Variants in KCNQ1 observed in about 807,000 individuals in gnomAD.
KCNQ1 encodes the protein potassium voltage-gated channel subfamily KQT member 1.
A neutral mutation model predicts 72.4 loss-of-function variants in KCNQ1; 49 were observed. The observed-to-expected ratio is 0.68, with a 90% confidence interval of 0.54 to 0.86. The LOEUF (loss-of-function observed/expected upper bound fraction) is 0.86, where lower values mean the gene tolerates loss of function less well. Among genes scored for constraint, KCNQ1 ranks in the 40% least tolerant of loss-of-function variants. The probability of loss-of-function intolerance (pLI) is 0.00; values close to 1 mark genes in which losing one functional copy is unlikely to be tolerated. For missense variants in KCNQ1, 790 were observed against 945.1 expected (o/e 0.84, Z 2.15); for synonymous variants, 450 against 412.6 (o/e 1.09, Z -1.10).
At chr11:2,582,009 A>G (rs1848506198) in intron 6 of KCNQ1, among the ~76,000 whole-genome samples, 1 of 152,176 alleles carries the variant, frequency 6.6e-6, no homozygotes, top group Admixed American at 6.5e-5. Context: ...CGGTCAGGGC[A>G]CTAGTGGGGC....
Position 2,588,315 on chromosome 11 carries a change from C to T in KCNQ1, c.1252-398C>T, listed in dbSNP as rs188117793. Among the ~76,000 whole-genome samples the T allele has an allele frequency of 6.6e-6, 1 of 152,288 alleles. No homozygotes were observed. Among genetic ancestry groups the T allele is most frequent in the African/African-American group, 2.4e-5 (1 of 41,544 alleles). On this transcript the variant is annotated intron_variant, in intron 9 of 15. Coordinates refer to ENST00000155840, the MANE Select transcript of KCNQ1 (RefSeq NM_000218.3). The surrounding 1 kb of genome is among the most constrained non-coding windows in gnomAD (Gnocchi z 5.6). ...CTGTTCCCTGTGCTGGAATGTTCCC[C>T]CAGATTTCCACACAGCCTGCTCCCT...
At chr11:2,840,736 C>T (rs1453316114) in intron 15 of KCNQ1, among the ~76,000 whole-genome samples, 3 of 152,202 alleles carry the variant, frequency 2.0e-5, no homozygotes, top group Non-Finnish European at 1.5e-5. Flanking sequence ...GTGATGTGTA[C>T]TTGACATCTT....
At position 2,766,403 on chromosome 11, in the gene KCNQ1, C is replaced by T. The variant is rs1312184929; in HGVS notation, c.1515-2441C>T. On this transcript the variant is annotated intron_variant, in intron 11 of 15. Coordinates refer to ENST00000155840, the MANE Select transcript of KCNQ1 (RefSeq NM_000218.3). This position sits in a 1 kb window ranked among gnomAD's most constrained non-coding sequence, Gnocchi z 4.4. ...TGGGTTGTCAGCCAGGGTCTCTCAG[C>T]TCTCCTTCACGCGGCTGTTCCAGCA... Among the ~76,000 whole-genome samples the T allele has an allele frequency of 6.6e-6, 1 of 152,212 alleles. No homozygotes were observed. The highest frequency in any genetic ancestry group is 1.5e-5 in the Non-Finnish European group (1 of 68,044).
At chr11:2,554,741 T>G (rs1848042658) in intron 2 of KCNQ1, among the ~76,000 whole-genome samples, 1 of 152,234 alleles carries the variant, frequency 6.6e-6, no homozygotes. Flanking sequence ...ACGACAAGTC[T>G]GCTTTTGACT....
At position 2,642,956 on chromosome 11, in the gene KCNQ1, T is replaced by G; in HGVS notation, c.1394-19005T>G. On this transcript the variant is annotated intron_variant, in intron 10 of 15. Coordinates refer to ENST00000155840, the MANE Select transcript of KCNQ1 (RefSeq NM_000218.3). The surrounding 1 kb of genome is among the most constrained non-coding windows in gnomAD (Gnocchi z 4.3). ...CAGGAACATGTTAATTTCCATTTAT[T>G]TATACAGTTTTGAATGCTCCTCTTA... The G allele has an allele frequency of 2.5e-6, 1 of 397,988 alleles. No homozygotes were observed. Among genetic ancestry groups the G allele is most frequent in the Non-Finnish European group, 4.4e-6 (1 of 225,704 alleles). The allele number at this position is 397,988 out of a possible 1,614,324, so 24.7% of individuals were successfully genotyped here.
At chr11:2,532,913 G>A (rs553539293) in intron 2 of KCNQ1, among the ~76,000 whole-genome samples, 1 of 152,194 alleles carries the variant, frequency 6.6e-6, no homozygotes, top group Non-Finnish European at 1.5e-5. Context: ...AAGCAAAGGT[G>A]TTTGCAGCCC....
chr11:2,455,309 AGGAT>A (rs1291883248), intron 1 of KCNQ1, among the ~76,000 whole-genome samples: 1 of 151,568 alleles, frequency 6.6e-6, no homozygotes, highest in Non-Finnish European at 1.5e-5. Flanking sequence ...CGTGTTAGCC[AGGAT>A]GGTCTTGATC....
chr11:2,686,984 T>C (rs774690960), intron 11 of KCNQ1: 5 of 398,512 alleles, frequency 1.3e-5, no homozygotes, highest in Admixed American at 4.4e-5. Context: ...AGGACAACAC[T>C]GGGCCCTGAC....
rs1170158899 is a variant in KCNQ1 at position 2,621,258 on chromosome 11, A to G, written c.1393+32404A>G. 1 of 398,306 alleles carries G rather than the reference A, an allele frequency of 2.5e-6. No individual in the cohort carries two copies. Among genetic ancestry groups the G allele is most frequent in the Non-Finnish European group, 4.4e-6 (1 of 226,048 alleles). 24.7% of individuals were successfully genotyped at this position (398,306 alleles called of 1,614,324 possible). ...CTCCCAAAGTGCTAGGACTACAGGC[A>G]TGAGCCACCGTGCCTGGCCTCATTA... On this transcript the variant is annotated intron_variant, in intron 10 of 15. Transcript: ENST00000155840. The surrounding 1 kb of genome is among the most constrained non-coding windows in gnomAD (Gnocchi z 5.7).
rs770137262 is a variant in KCNQ1, at chr11:2,657,582, T to A, written c.1394-4379T>A. On this transcript the variant is annotated intron_variant, in intron 10 of 15. Coordinates refer to ENST00000155840, the MANE Select transcript of KCNQ1 (RefSeq NM_000218.3). This position sits in a 1 kb window ranked among gnomAD's most constrained non-coding sequence, Gnocchi z 4.8. ...CTAATGTTAGCATCTTATATAACCA[T>A]GGTACATTGACCAAAACTAAAAAAT... The A allele has an allele frequency of 2.0e-5, 8 of 398,514 alleles. No individual in the cohort carries two copies. The highest frequency in any genetic ancestry group is 3.5e-5 in the Non-Finnish European group (8 of 226,076). The allele number at this position is 398,514 out of a possible 1,614,324, so 24.7% of individuals were successfully genotyped here.
chr11:2,467,372 G>A (rs1197464064), intron 1 of KCNQ1, among the ~76,000 whole-genome samples: 1 of 152,166 alleles, frequency 6.6e-6, no homozygotes, highest in Non-Finnish European at 1.5e-5. Context: ...TCACGGAGGA[G>A]GCTGCTCCCT....
At chr11:2,696,276 C>A (rs950667786) in intron 11 of KCNQ1, 1 of 398,508 alleles carries the variant, frequency 2.5e-6, no homozygotes, top group African/African-American at 2.1e-5. Context: ...CATTTGGAGT[C>A]TACTTTTCCT....
rs151001632 is a variant in KCNQ1, at chr11:2,846,349, G to A, written c.1795-1418G>A. On this transcript the variant is annotated intron_variant, in intron 15 of 15. Transcript: ENST00000155840. ...GCCCTTATCGCGTGCTGATCTGTTT[G>A]CCCCTCCCCCACCACTTCTAGGTCT... Among the ~76,000 whole-genome samples, 26 of 152,282 alleles carry A rather than the reference G, an allele frequency of 1.7e-4. No homozygotes were observed. The East Asian group carries it at 2.7e-3, about 16-fold the overall frequency.
At chr11:2,622,724 A>C (rs1263680849) in intron 10 of KCNQ1, 2 of 398,418 alleles carry the variant, frequency 5.0e-6, no homozygotes, top group Non-Finnish European at 8.8e-6. Context: ...TAAAGACTTT[A>C]TATTTTTAGA....
chr11:2,612,651 A>G lies in KCNQ1; in HGVS notation c.1393+23797A>G, dbSNP rs1329676565. ...GATGAGTCTTTGTCATCACACTTGC[A>G]TTCTTTAATGTGGTTTCTTTTGGTT... On this transcript the variant is annotated intron_variant, in intron 10 of 15. Transcript: ENST00000155840. The surrounding 1 kb of genome is among the most constrained non-coding windows in gnomAD (Gnocchi z 5.5). The G allele has an allele frequency of 2.5e-6, 1 of 398,474 alleles. No homozygotes were observed. Among genetic ancestry groups the G allele is most frequent in the Middle Eastern group, 6.3e-4 (1 of 1,588 alleles). The allele number at this position is 398,474 out of a possible 1,614,324, so 24.7% of individuals were successfully genotyped here.
chr11:2,641,821 A>G (rs186144026), intron 10 of KCNQ1: 1 of 398,452 alleles, frequency 2.5e-6, no homozygotes, highest in East Asian at 3.6e-5. Flanking sequence ...TAGTATAGCA[A>G]GAGATAGAAA....
Position 2,564,646 on chromosome 11 carries a change from C to G in KCNQ1, c.478-5982C>G, listed in dbSNP as rs760596113. ...TTACCATCTTAACCCTTTTTAAGAT[C>G]ACAGTTCCTTGCGACCATCGCCACC... is the stretch of plus-strand genomic sequence containing the variant. On this transcript the variant is annotated intron_variant, in intron 2 of 15. Coordinates refer to ENST00000155840, the MANE Select transcript of KCNQ1 (RefSeq NM_000218.3). This position sits in a 1 kb window ranked among gnomAD's most constrained non-coding sequence, Gnocchi z 4.5. 2.7e-4 allele frequency among the ~76,000 whole-genome samples: 41 copies of G among 152,186 alleles called. No homozygotes were observed. Among genetic ancestry groups the G allele is most frequent in the Non-Finnish European group, 5.4e-4 (37 of 68,038 alleles).
At chr11:2,485,468 C>T (rs1846727039) in intron 1 of KCNQ1, among the ~76,000 whole-genome samples, 1 of 151,716 alleles carries the variant, frequency 6.6e-6, no homozygotes, top group African/African-American at 2.4e-5. Flanking sequence ...CCTGTATCCC[C>T]TCTTTCTTAC....
chr11:2,665,958 A>C (rs1161251217), intron 11 of KCNQ1: 1 of 398,376 alleles, frequency 2.5e-6, no homozygotes. Flanking sequence ...CCTCCCTCAC[A>C]CTGCATCCCC....
Sources: gnomAD v4.1 joint callset for allele counts (sites outside exome capture counted in the v4.1 genomes callset) on GRCh38, gnomAD v4.1.1 for gene constraint, Gnocchi (gnomAD v3.1) non-coding constraint, MANE v1.5 for transcripts, NCBI Gene and HGNC (gene_info 2026-07-23, HGNC 2026-07-21) for gene names.